UBE2H: variants seen among roughly 807,000 people sequenced by gnomAD.
UBE2H encodes the protein ubiquitin conjugating enzyme E2 H, also known as ubiquitin-conjugating enzyme E2 H.
Under a neutral mutation model 29.0 loss-of-function variants are expected in UBE2H, and 3 were observed. The observed-to-expected ratio is 0.10, with a 90% CI of 0.05 to 0.27. The LOEUF (loss-of-function observed/expected upper bound fraction) is 0.27, where lower values mean the gene tolerates loss of function less well. Ranked by LOEUF, UBE2H falls within the 10% of genes least tolerant of loss-of-function variation. UBE2H has a pLI of 1.00. For synonymous variants in UBE2H, 69 were observed against 82.9 expected, an observed-to-expected ratio of 0.83 and a Z score of 0.91; for missense variants, 68 against 228.2, an observed-to-expected ratio of 0.30 and a Z score of 4.52.
Position 129,879,645 on chromosome 7 carries a change from GA to G in UBE2H, c.131-4del, listed in dbSNP as rs746173403. 1.2e-6 allele frequency: 2 copies of G among 1,609,144 alleles called. No individual in the cohort carries two copies. The highest frequency in any genetic ancestry group is 1.7e-6 in the Non-Finnish European group (2 of 1,178,106). ...CCATACTCCGCCTTCATATGGTGCTGAAATAAAAGTAAAAATGTTCATCAGA... is the reference window on the plus strand; with the variant it reads ...CCATACTCCGCCTTCATATGGTGCTGAATAAAAGTAAAAATGTTCATCAGA... On this transcript the variant is annotated splice_region_variant and splice_polypyrimidine_tract_variant and intron_variant, in intron 2 of 6. Coordinates refer to ENST00000355621, the MANE Select transcript of UBE2H (RefSeq NM_003344.4).
chr7:129,939,107 GAATT>G (rs376144907), intron 1 of UBE2H, among the ~76,000 whole-genome samples: 36 of 152,270 alleles, frequency 2.4e-4, no homozygotes, highest in Admixed American at 1.2e-3. Context: ...CCTCTAGTTT[GAATT>G]AATGATCTGA....
intron 1 of UBE2H, among the ~76,000 whole-genome samples, chr7:129,943,118 C>T (rs1465568419): frequency 1.3e-5 from 2 of 152,186 alleles, no homozygotes; most frequent in Non-Finnish European, 2.9e-5. Context: ...GCCAGGATTA[C>T]AGGCATGAGC....
chr7:129,840,257 C>T (rs1031363049), intron 5 of UBE2H, among the ~76,000 whole-genome samples: 1 of 152,140 alleles, frequency 6.6e-6, no homozygotes, highest in Non-Finnish European at 1.5e-5. Flanking sequence ...GTGATCATAC[C>T]TCACTGCAAC....
chr7:129,859,277 T>G (rs1448195220), intron 3 of UBE2H, among the ~76,000 whole-genome samples: 1 of 152,152 alleles, frequency 6.6e-6, no homozygotes, highest in African/African-American at 2.4e-5. Flanking sequence ...ATGATAAAAG[T>G]TAAGAAACTT....
intron 1 of UBE2H, among the ~76,000 whole-genome samples, chr7:129,888,498 G>A (rs150856058): frequency 0.026 from 3,988 of 151,324 alleles, 90 homozygotes; most frequent in Non-Finnish European, 0.041. Flanking sequence ...TTTTTGAGAC[G>A]GAGTCTCACT....
chr7:129,929,402 TCTC>T (rs1807342086), intron 1 of UBE2H, among the ~76,000 whole-genome samples: 1 of 151,950 alleles, frequency 6.6e-6, no homozygotes, highest in Non-Finnish European at 1.5e-5. Flanking sequence ...TATGTTTCCT[TCTC>T]CTCTCCACAC....
intron 3 of UBE2H, among the ~76,000 whole-genome samples, chr7:129,878,637 C>T (rs1344316912): frequency 7.7e-6 from 1 of 129,918 alleles, no homozygotes; most frequent in East Asian, 2.5e-4. Context: ...GAGTCGAGAT[C>T]GTGCCACTGC....
intron 3 of UBE2H, among the ~76,000 whole-genome samples, chr7:129,867,752 C>T (rs1180723831): frequency 2.0e-4 from 24 of 118,906 alleles, no homozygotes; most frequent in African/African-American, 7.4e-4. Flanking sequence ...AGAAGACCAT[C>T]CTTTCTTGAT....
At chr7:129,835,188 C>G in intron 6 of UBE2H, 127 bp from the exon 7 acceptor site, 1 of 1,342,884 alleles carries the variant, frequency 7.4e-7, no homozygotes, top group Non-Finnish European at 1.0e-6. Context: ...ACAAAGATGA[C>G]AGTAATCATG....
chr7:129,854,066 T>TTTTGTTTTTTG (rs1301437181), intron 5 of UBE2H, among the ~76,000 whole-genome samples: 1 of 148,892 alleles, frequency 6.7e-6, no homozygotes, highest in African/African-American at 2.5e-5. Context: ...GTTAGTTTTT[T>TTTTGTTTTTTG]TTTTTTTTTT....
At chr7:129,842,692 C>G (rs143023711) in intron 5 of UBE2H, among the ~76,000 whole-genome samples, 2,513 of 152,022 alleles carry the variant, frequency 0.017, 78 homozygotes, top group African/African-American at 0.057. Context: ...CACCTGAGGT[C>G]AGGAGTTTGA....
At chr7:129,860,751 G>T (rs1805785214) in intron 3 of UBE2H, among the ~76,000 whole-genome samples, 1 of 151,696 alleles carries the variant, frequency 6.6e-6, no homozygotes, top group Non-Finnish European at 1.5e-5. Flanking sequence ...TATATTTACA[G>T]GCTGAGGTTA....
intron 1 of UBE2H, among the ~76,000 whole-genome samples, chr7:129,935,003 A>ATGTGTG (rs769803644): frequency 6.7e-6 from 1 of 149,444 alleles, no homozygotes; most frequent in African/African-American, 2.5e-5. Context: ...GTGTGTGTAT[A>ATGTGTG]TGTGTGTGTG....
In UBE2H at chr7:129,834,621, C is replaced by T. The variant is rs1563016395; in HGVS notation, c.*316G>A. On this transcript the variant is annotated 3_prime_UTR_variant, in exon 7 of 7. Transcript: ENST00000355621. ...TTCCTGTTCTTTTTACTCACATCTA[C>T]CTATCAGAGCGGCTATTTCCTTCGA... The T allele has an allele frequency of 1.1e-5, 2 of 187,424 alleles. No homozygotes were observed. Among genetic ancestry groups the T allele is most frequent in the Non-Finnish European group, 2.2e-5 (2 of 91,478 alleles). The allele number at this position is 187,424 out of a possible 1,614,324, so 11.6% of individuals were successfully genotyped here.
intron 6 of UBE2H, among the ~76,000 whole-genome samples, chr7:129,836,510 G>A (rs930092089): frequency 1.3e-5 from 2 of 152,210 alleles, no homozygotes; most frequent in Non-Finnish European, 2.9e-5. Flanking sequence ...GCCAGCTATG[G>A]CATAGGAGAG....
chr7:129,848,629 T>G (rs2116291749), intron 5 of UBE2H, among the ~76,000 whole-genome samples: 1 of 152,362 alleles, frequency 6.6e-6, no homozygotes, highest in East Asian at 1.9e-4. Flanking sequence ...ATTCACATCC[T>G]TGACTACTAG....
intron 1 of UBE2H, among the ~76,000 whole-genome samples, chr7:129,895,788 C>G (rs980315246): frequency 3.9e-5 from 6 of 152,074 alleles, no homozygotes; most frequent in African/African-American, 1.4e-4. Context: ...ACTTGGGAGG[C>G]TGAGGCAGGA....
intron 1 of UBE2H, 63 bp from the exon 2 acceptor site, chr7:129,881,034 A>G: frequency 6.8e-7 from 1 of 1,463,502 alleles, no homozygotes; most frequent in Non-Finnish European, 9.4e-7. Context: ...TACCAATAAC[A>G]CCCCAGGCAT....
intron 3 of UBE2H, among the ~76,000 whole-genome samples, chr7:129,872,289 A>G (rs901034915): frequency 2.6e-5 from 4 of 152,146 alleles, no homozygotes; most frequent in East Asian, 1.9e-4. Context: ...ATACTGCTCA[A>G]TGAAGTTACT....
Sources: allele counts gnomAD v4.1 joint callset (sites outside exome capture counted in the v4.1 genomes callset), GRCh38; gene constraint gnomAD v4.1.1; transcripts MANE v1.5; gene names NCBI Gene and HGNC (gene_info 2026-07-23, HGNC 2026-07-21).